Variants in FOXP1 observed in about 807,000 individuals in gnomAD.
FOXP1 encodes the protein forkhead box protein P1.
In FOXP1, 15 loss-of-function variants were observed where a neutral mutation model predicts 98.2. That is an observed-to-expected ratio of 0.15 (90% CI 0.10 to 0.24). The LOEUF is 0.24. FOXP1 is among the 10% of genes least tolerant of loss of function. The pLI, the probability that FOXP1 is intolerant of heterozygous loss-of-function variation, is 1.00. For synonymous variants in FOXP1, 371 were observed against 314.5 expected, an observed-to-expected ratio of 1.18 and a Z score of -1.90; for missense variants, 633 against 848.5, an observed-to-expected ratio of 0.75 and a Z score of 3.15.
chr3:71,140,069 AT>A (rs1388999230), intron 6 of FOXP1, among the ~76,000 whole-genome samples: 1 of 152,240 alleles, frequency 6.6e-6, no homozygotes, highest in Non-Finnish European at 1.5e-5. Flanking sequence ...TACATAGAAT[AT>A]CTTCTCCATT....
chr3:71,090,589 T>A (rs1240808360), intron 7 of FOXP1, among the ~76,000 whole-genome samples: 4 of 152,224 alleles, frequency 2.6e-5, no homozygotes, highest in Non-Finnish European at 5.9e-5. Context: ...CTCCCTGATC[T>A]TCTTTGCATA....
intron 5 of FOXP1, among the ~76,000 whole-genome samples, chr3:71,208,010 T>C (rs1324806602): frequency 6.6e-6 from 1 of 152,250 alleles, no homozygotes; most frequent in African/African-American, 2.4e-5. Context: ...TTATGCATAT[T>C]AACTGTGTAG....
intron 4 of FOXP1, chr3:71,305,814 A>G (rs1224546195): frequency 6.5e-6 from 1 of 152,726 alleles, no homozygotes; most frequent in East Asian, 1.9e-4. Context: ...AAGGGCAGCA[A>G]AGTACCCTCT....
intron 4 of FOXP1, among the ~76,000 whole-genome samples, chr3:71,322,843 A>C (rs1178176627): frequency 6.6e-6 from 1 of 152,202 alleles, no homozygotes; most frequent in Non-Finnish European, 1.5e-5. Context: ...ATGCTGACAA[A>C]GTACAGCAGT....
At chr3:71,265,330 A>G (rs1301249456) in intron 5 of FOXP1, among the ~76,000 whole-genome samples, 1 of 152,180 alleles carries the variant, frequency 6.6e-6, no homozygotes, top group African/African-American at 2.4e-5. Flanking sequence ...AAGAAAAGAG[A>G]AGGGATCATT....
chr3:71,103,469 C>T (rs924391407), intron 7 of FOXP1, among the ~76,000 whole-genome samples: 1 of 152,160 alleles, frequency 6.6e-6, no homozygotes, highest in Non-Finnish European at 1.5e-5. Context: ...TCTGTCTCAC[C>T]GTGTTGTGTG....
chr3:71,356,920 A>T (rs940015663), intron 4 of FOXP1, among the ~76,000 whole-genome samples: 1 of 152,204 alleles, frequency 6.6e-6, no homozygotes, highest in African/African-American at 2.4e-5. Context: ...ATGGGATAAA[A>T]AGTGGCTCAC....
chr3:71,312,821 AC>A (rs2107629018), intron 4 of FOXP1, among the ~76,000 whole-genome samples: 1 of 43,458 alleles, frequency 2.3e-5, no homozygotes, highest in South Asian at 1.9e-3. Context: ...CCTTATCTCT[AC>A]CAAAAAATAC....
At chr3:71,179,909 C>T (rs1379798413) in intron 6 of FOXP1, among the ~76,000 whole-genome samples, 1 of 152,166 alleles carries the variant, frequency 6.6e-6, no homozygotes, top group Non-Finnish European at 1.5e-5. Context: ...TATTCAATTT[C>T]CAATTGAAAA....
chr3:71,287,027 G>A (rs1196244044), intron 5 of FOXP1, among the ~76,000 whole-genome samples: 4 of 152,162 alleles, frequency 2.6e-5, no homozygotes, highest in Admixed American at 2.6e-4. Flanking sequence ...CACAACAGTG[G>A]TAGTAATGAA....
intron 4 of FOXP1, among the ~76,000 whole-genome samples, chr3:71,323,056 C>T (rs2075485386): frequency 6.6e-6 from 1 of 151,548 alleles, no homozygotes; most frequent in African/African-American, 2.4e-5. Flanking sequence ...TTGCAACCTC[C>T]ACCTCCCAAG....
rs943991614 is a variant in FOXP1 at position 71,362,205 on chromosome 3, C to T, written c.-167-2961G>A. Among the ~76,000 whole-genome samples, 4 of 152,322 alleles carry T rather than the reference C, an allele frequency of 2.6e-5. No individual in the cohort carries two copies. The East Asian group carries it at 7.7e-4, about 29-fold the overall frequency. On this transcript the variant is annotated intron_variant, in intron 3 of 20. Transcript: ENST00000649528. Reference sequence around the variant, plus strand: ...TATTTATTTTTGAGATGGAGTCTCGCTCTGTCACCAGGCTGGAGTGCAATG... The same window carrying T: ...TATTTATTTTTGAGATGGAGTCTCGTTCTGTCACCAGGCTGGAGTGCAATG...
chr3:71,465,322 AAAAAGAAGAAG>A (rs1236937058), intron 3 of FOXP1, among the ~76,000 whole-genome samples: 14 of 140,302 alleles, frequency 1.0e-4, no homozygotes, highest in South Asian at 2.3e-4. Context: ...AAAAAAAAAA[AAAAAGAAGAAG>A]AAGAAGAAGA....
intron 4 of FOXP1, among the ~76,000 whole-genome samples, chr3:71,312,646 G>T (rs896822632): frequency 2.0e-5 from 3 of 152,244 alleles, no homozygotes; most frequent in Admixed American, 2.0e-4. Flanking sequence ...CTAGCATGGT[G>T]CTGCCGCACA....
rs529206582 is a variant in FOXP1 at position 71,253,232 on chromosome 3, G to T, written c.-12+46588C>A. 8.3e-4 allele frequency among the ~76,000 whole-genome samples: 126 copies of T among 152,304 alleles called. 1 individual carries two copies. The highest frequency in any genetic ancestry group is 2.9e-3 in the African/African-American group (119 of 41,564). On this transcript the variant is annotated intron_variant, in intron 5 of 20. Coordinates refer to ENST00000649528, the MANE Select transcript of FOXP1 (RefSeq NM_001349338.3). Reference sequence around the variant, plus strand: ...ACATTAAAAGGCAGGTTGGTGTGTTGGATAGATGCAGCAAATGCACTGGTG... The same window carrying T: ...ACATTAAAAGGCAGGTTGGTGTGTTTGATAGATGCAGCAAATGCACTGGTG...
intron 6 of FOXP1, among the ~76,000 whole-genome samples, chr3:71,189,145 GT>G (rs1448355717): frequency 3.9e-5 from 6 of 152,328 alleles, no homozygotes; most frequent in Admixed American, 1.3e-4. Context: ...AGCACCAGCT[GT>G]TTAATAATTG....
At chr3:71,496,520 G>A (rs2091420285) in intron 2 of FOXP1, among the ~76,000 whole-genome samples, 2 of 152,050 alleles carry the variant, frequency 1.3e-5, no homozygotes, top group Non-Finnish European at 2.9e-5. Context: ...GACATAAATC[G>A]GTTAAACAAT....
At chr3:71,240,553 T>A (rs1203653688) in intron 5 of FOXP1, among the ~76,000 whole-genome samples, 26 of 9,688 alleles carry the variant, frequency 2.7e-3, no homozygotes, top group Admixed American at 0.019. Flanking sequence ...TTTTTTTATT[T>A]TTTTTTTTAG....
chr3:71,077,197 T>C (rs965044561), intron 7 of FOXP1, among the ~76,000 whole-genome samples: 1 of 152,048 alleles, frequency 6.6e-6, no homozygotes, highest in Non-Finnish European at 1.5e-5. Flanking sequence ...GAAGAGGAAA[T>C]AGAACTCTAA....
Sources: gnomAD v4.1 joint callset for allele counts (sites outside exome capture counted in the v4.1 genomes callset) on GRCh38, gnomAD v4.1.1 for gene constraint, MANE v1.5 for transcripts, NCBI Gene and HGNC (gene_info 2026-07-23, HGNC 2026-07-21) for gene names.